The following RFC2 variants were observed in gnomAD, a reference collection of about 807,000 sequenced individuals.
RFC2 encodes the protein A1 40 kDa subunit.
A neutral mutation model predicts 44.8 loss-of-function variants in RFC2; 34 were observed. The observed-to-expected ratio is 0.76, with a 90% CI of 0.58 to 1.01. The LOEUF is 1.01. Ranked by LOEUF, RFC2 falls within the 50% of genes least tolerant of loss-of-function variation. The probability of loss-of-function intolerance (pLI) is 0.00; values close to 1 mark genes in which losing one functional copy is unlikely to be tolerated. For missense variants in RFC2, 400 were observed against 453.6 expected, an observed-to-expected ratio of 0.88 and a Z score of 1.07; for synonymous variants, 177 against 168.9, an observed-to-expected ratio of 1.05 and a Z score of -0.37.
At chr7:74,243,925 A>G (rs1373739321) in intron 5 of RFC2, among the ~76,000 whole-genome samples, 1 of 151,578 alleles carries the variant, frequency 6.6e-6, no homozygotes, top group Non-Finnish European at 1.5e-5. Context: ...CTGTGTAAAC[A>G]TTGATAGTAT....
At chr7:74,253,758 G>GTA (rs1787111362) in intron 1 of RFC2, 1 of 156,760 alleles carries the variant, frequency 6.4e-6, no homozygotes, top group Non-Finnish European at 1.4e-5. Context: ...GTGCGTGCCT[G>GTA]TAGTCCCATC....
At chr7:74,245,309 C>A (rs969317007) in intron 5 of RFC2, among the ~76,000 whole-genome samples, 1 of 151,816 alleles carries the variant, frequency 6.6e-6, no homozygotes, top group South Asian at 2.1e-4. Context: ...CATGAGCCAC[C>A]GAGCCTGGAC....
At chr7:74,244,307 TATTCTAAATTTTCTTCAAAGAACATGA>T (rs782634503) in intron 5 of RFC2, among the ~76,000 whole-genome samples, 73 of 151,280 alleles carry the variant, frequency 4.8e-4, no homozygotes, top group Non-Finnish European at 8.7e-4. Context: ...ACTATTAATA[TATTCTAAATTTTCTTCAAAGAACATGA>T]ATTACTGCCA....
In RFC2 at chr7:74,238,621, G is replaced by C. The variant is rs548948367; in HGVS notation, c.759+302C>G. On this transcript the variant is annotated intron_variant, in intron 8 of 10. Coordinates refer to ENST00000055077, the MANE Select transcript of RFC2 (RefSeq NM_181471.3). The surrounding 1 kb of genome is among the most constrained non-coding windows in gnomAD (Gnocchi z 4.0). ...CCACAATGTGATGGTGAGAACCTCTGTGCAGGGAAGTCGCTGGGATCAAAT... is the reference window on the plus strand; with the variant it reads ...CCACAATGTGATGGTGAGAACCTCTCTGCAGGGAAGTCGCTGGGATCAAAT... 3.0e-4 allele frequency among the ~76,000 whole-genome samples: 45 copies of C among 152,108 alleles called. No homozygotes were observed. The highest frequency in any genetic ancestry group is 6.2e-4 in the Non-Finnish European group (42 of 68,022).
intron 7 of RFC2, among the ~76,000 whole-genome samples, 182 bp from the exon 8 acceptor site, chr7:74,239,170 CTTTTTTTT>C (rs34664628): frequency 9.3e-6 from 1 of 107,974 alleles, no homozygotes; most frequent in African/African-American, 4.1e-5. Context: ...CCAAGGGTGA[CTTTTTTTT>C]TTTTTTTTTT....
rs1803819989 is a variant in RFC2 at position 74,249,628 on chromosome 7, G to A, written c.225+111C>T. 3 of 866,128 alleles carry A rather than the reference G, an allele frequency of 3.5e-6. No homozygotes were observed. The Admixed American group carries it at 5.5e-5, about 16-fold the overall frequency. 53.7% of individuals were successfully genotyped at this position (866,128 alleles called of 1,614,324 possible). A position where few individuals can be genotyped will look rare whatever the true frequency, so the allele number is the denominator to read the frequency against. ...AGAGTGAAACACTTCCCTTTGCCGG[G>A]GGAATGGGAAGGGGCTCTCCAGGGA... On this transcript the variant is annotated intron_variant, in intron 3 of 10. Transcript: ENST00000055077.
Position 74,254,268 on chromosome 7 carries a change from C to A in RFC2, c.113+3G>T. ...GCCCATTCTTTACGGCCTGGGACCT[C>A]ACCACGGCAGTTCGTAGTGGCCGGC... On this transcript the variant is annotated splice_donor_region_variant and intron_variant, in intron 1 of 10. Transcript: ENST00000055077. 6.2e-7 allele frequency: 1 copy of A among 1,607,064 alleles called. No individual in the cohort carries two copies. The highest frequency in any genetic ancestry group is 8.5e-7 in the Non-Finnish European group (1 of 1,174,330).
At position 74,254,358 on chromosome 7, in the gene RFC2, C is replaced by A; in HGVS notation, c.26G>T (p.Gly9Val). Reference sequence around the variant, plus strand: ...GTCCTGGGCCTCCACCTCGCCCGCGCCACCACAGACGGCCTCCACCTCCAT... The same window carrying A: ...GTCCTGGGCCTCCACCTCGCCCGCGACACCACAGACGGCCTCCACCTCCAT... MEVEAVCG[G>V]AGEVEAQDSD... The change falls in exon 1 of 11, where the codon GGC becomes GTC. Residue 9 changes from glycine (G) to valine (V), a missense_variant. Coordinates refer to ENST00000055077, the MANE Select transcript of RFC2 (RefSeq NM_181471.3). The A allele has an allele frequency of 6.2e-7, 1 of 1,608,846 alleles. No homozygotes were observed. The highest frequency in any genetic ancestry group is 8.5e-7 in the Non-Finnish European group (1 of 1,177,740).
intron 7 of RFC2, among the ~76,000 whole-genome samples, chr7:74,239,418 G>A (rs1273933885): frequency 6.6e-6 from 1 of 151,876 alleles, no homozygotes; most frequent in Non-Finnish European, 1.5e-5. Flanking sequence ...TGCAAGGTCC[G>A]CCTCCCAGGT....
chr7:74,241,757 C>G (rs1803341509), intron 6 of RFC2, among the ~76,000 whole-genome samples: 1 of 152,168 alleles, frequency 6.6e-6, no homozygotes. Flanking sequence ...GCCAGGCGTT[C>G]TAGACCAGCC....
intron 10 of RFC2, among the ~76,000 whole-genome samples, chr7:74,233,488 C>A (rs782341213): frequency 1.3e-5 from 2 of 151,262 alleles, no homozygotes; most frequent in African/African-American, 2.4e-5. Context: ...GGATGGCAAA[C>A]GAGCACATGA....
chr7:74,250,085 G>T (rs1786831613), intron 2 of RFC2, among the ~76,000 whole-genome samples: 1 of 151,440 alleles, frequency 6.6e-6, no homozygotes, highest in Admixed American at 6.6e-5. Flanking sequence ...CCTGAGAAGT[G>T]GAGGCCGCAG....
Position 74,243,946 on chromosome 7 carries a change from A to G in RFC2, c.435-700T>C, listed in dbSNP as rs1485575296. On this transcript the variant is annotated intron_variant, in intron 5 of 10. Transcript: ENST00000055077. ...AAACATTGATAGTATATAAAAAGAG[A>G]AGAAAAAAAGCAAGTTATTAATGGC... Among the ~76,000 whole-genome samples, 3 of 151,680 alleles carry G rather than the reference A, an allele frequency of 2.0e-5. No homozygotes were observed. In the South Asian group the frequency reaches 6.3e-4, roughly 32 times the overall value.
chr7:74,237,257 G>T, intron 9 of RFC2, 105 bp downstream of exon 9: 1 of 717,818 alleles, frequency 1.4e-6, no homozygotes, highest in Non-Finnish European at 2.5e-6. Flanking sequence ...TTTCAAGAAT[G>T]AATGGAGTGA....
In RFC2 at chr7:74,243,172, G is replaced by C; in HGVS notation, c.509C>G (p.Ala170Gly). 1 of 1,613,510 alleles carries C rather than the reference G, an allele frequency of 6.2e-7. No individual in the cohort carries two copies. The highest frequency in any genetic ancestry group is 8.5e-7 in the Non-Finnish European group (1 of 1,179,454). Residue 170 changes from alanine to glycine, a missense_variant, in exon 6 of 11, where the codon GCT (alanine) becomes GGT (glycine). By Grantham distance (60) the Ala-to-Gly change is moderately conservative. Transcript: ENST00000055077. The part of the protein sequence containing the change: ...IYSKTTRFAL[A>G]CNASDKIIEP... ...GATGATCTTATCCGAAGCATTACAA[G>C]CAAGGGCGAAGCGAGTGGTTTTAGA... is the stretch of plus-strand genomic sequence containing the variant.
Position 74,242,167 on chromosome 7 carries a change from T to C in RFC2, c.535+979A>G, listed in dbSNP as rs558342924. Among the ~76,000 whole-genome samples the C allele has an allele frequency of 1.9e-3, 284 of 152,304 alleles. 1 individual carries two copies. Among genetic ancestry groups the C allele is most frequent in the South Asian group, 0.012 (56 of 4,830 alleles). On this transcript the variant is annotated intron_variant, in intron 6 of 10. Transcript: ENST00000055077. ...GCAACAAATTCCAATGTACAGATAC[T>C]GCCTATACCAAGTACTCAGAGCACA...
At chr7:74,233,005 A>T (rs781812477) in intron 10 of RFC2, among the ~76,000 whole-genome samples, 6 of 151,998 alleles carry the variant, frequency 3.9e-5, no homozygotes, top group South Asian at 2.1e-4. Context: ...ACTTGCCCAG[A>T]GTTGGGCCTG....
At chr7:74,242,689 G>C (rs1803399751) in intron 6 of RFC2, among the ~76,000 whole-genome samples, 1 of 150,826 alleles carries the variant, frequency 6.6e-6, no homozygotes, top group Non-Finnish European at 1.5e-5. Flanking sequence ...GGCCGAGGCA[G>C]GCGATCACGA....
At chr7:74,236,391 C>A (rs782064018) in intron 9 of RFC2, among the ~76,000 whole-genome samples, 5 of 152,184 alleles carry the variant, frequency 3.3e-5, no homozygotes, top group Non-Finnish European at 7.3e-5. Context: ...TGGAACTATG[C>A]CCTAAACCCA....
Sources: gnomAD v4.1 joint callset for allele counts (sites outside exome capture counted in the v4.1 genomes callset) on GRCh38, gnomAD v4.1.1 for gene constraint, Gnocchi (gnomAD v3.1) non-coding constraint, MANE v1.5 for transcripts, NCBI Gene and HGNC (gene_info 2026-07-23, HGNC 2026-07-21) for gene names.